The following SLC44A5 variants were observed in gnomAD, a reference collection of about 807,000 sequenced individuals.
SLC44A5 encodes choline transporter-like protein 5.
SLC44A5 carries 57 observed loss-of-function variants against 101.8 expected under a neutral mutation model. The observed-to-expected ratio is 0.56, with a 90% CI of 0.45 to 0.70. The LOEUF (loss-of-function observed/expected upper bound fraction) is 0.70. Among genes scored for constraint, SLC44A5 ranks in the 30% least tolerant of loss-of-function variants. The pLI is 0.00. For synonymous variants in SLC44A5, 281 were observed against 290.9 expected, an observed-to-expected ratio of 0.97 and a Z score of 0.35; for missense variants, 737 against 853.1, an observed-to-expected ratio of 0.86 and a Z score of 1.70.
intron 2 of SLC44A5, among the ~76,000 whole-genome samples, chr1:75,412,075 A>T (rs1009066144): frequency 6.6e-6 from 1 of 152,162 alleles, no homozygotes; most frequent in Admixed American, 6.6e-5. Flanking sequence ...GTAGAATTTG[A>T]TGAGGAAAAA....
chr1:75,499,254 T>C (rs1192502548), intron 2 of SLC44A5, among the ~76,000 whole-genome samples: 1 of 152,214 alleles, frequency 6.6e-6, no homozygotes, highest in Non-Finnish European at 1.5e-5. Flanking sequence ...GGGAGTGGTT[T>C]GGTAGTTTCA....
intron 6 of SLC44A5, 78 bp downstream of exon 6, chr1:75,274,880 G>T (rs922154938): frequency 9.8e-6 from 11 of 1,128,184 alleles, no homozygotes; most frequent in Non-Finnish European, 1.4e-5. Context: ...AAGAAGTCTG[G>T]TAGGATTACT....
intron 1 of SLC44A5, among the ~76,000 whole-genome samples, chr1:75,542,034 A>C (rs1460363693): frequency 6.6e-6 from 1 of 152,148 alleles, no homozygotes; most frequent in Admixed American, 6.5e-5. Flanking sequence ...ATCACTCTAT[A>C]AAAATTTAAG....
intron 3 of SLC44A5, 31 bp from the exon 4 acceptor site, chr1:75,339,661 A>G (rs1247932216): frequency 6.4e-7 from 1 of 1,568,520 alleles, no homozygotes; most frequent in South Asian, 1.2e-5. Context: ...TTTTAAGCAT[A>G]TAAGCCAGCA....
chr1:75,517,598 C>T (rs541715847), intron 2 of SLC44A5, among the ~76,000 whole-genome samples: 4 of 151,890 alleles, frequency 2.6e-5, no homozygotes, highest in South Asian at 2.1e-4. Flanking sequence ...TCTTTGACCC[C>T]GGGGGAGACA....
At chr1:75,653,352 C>T in the SLC44A5 span, among the ~76,000 whole-genome samples, 1 of 152,150 alleles carries the variant, frequency 6.6e-6, no homozygotes, top group African/African-American at 2.4e-5. Flanking sequence ...TATGGTGGCA[C>T]ATGCCTATAA....
intron 14 of SLC44A5, 53 bp from the exon 15 acceptor site, chr1:75,219,945 T>C (rs1647043155): frequency 1.1e-5 from 13 of 1,194,682 alleles, no homozygotes; most frequent in Non-Finnish European, 1.6e-5. Flanking sequence ...AAATAAGCTT[T>C]AGACTGAATT....
intron 2 of SLC44A5, among the ~76,000 whole-genome samples, chr1:75,517,648 T>A (rs2101887363): frequency 6.6e-6 from 1 of 152,134 alleles, no homozygotes; most frequent in African/African-American, 2.4e-5. Context: ...AGGAAGGATT[T>A]CACATAAATA....
chr1:75,552,940 T>C (rs1344115542), intron 1 of SLC44A5, among the ~76,000 whole-genome samples: 3 of 152,022 alleles, frequency 2.0e-5, no homozygotes, highest in Non-Finnish European at 4.4e-5. Context: ...ATGAGGGAGG[T>C]TTTTTTAAAT....
At chr1:75,420,470 G>T (rs1663936004) in intron 2 of SLC44A5, among the ~76,000 whole-genome samples, 1 of 152,112 alleles carries the variant, frequency 6.6e-6, no homozygotes, top group African/African-American at 2.4e-5. Flanking sequence ...CAACTCCACT[G>T]ATAATTAGAT....
At chr1:75,582,341 C>G in intron 1 of SLC44A5, 1 of 1,256,512 alleles carries the variant, frequency 8.0e-7, no homozygotes, top group South Asian at 1.3e-5. Flanking sequence ...GGAAGTTAAG[C>G]CCAAGATCCC....
intron 4 of SLC44A5, among the ~76,000 whole-genome samples, chr1:75,319,186 T>A (rs111903588): frequency 8.4e-4 from 128 of 152,260 alleles, no homozygotes; most frequent in African/African-American, 3.1e-3. Flanking sequence ...TTGCGATACA[T>A]TAATATTTGT....
At chr1:75,239,264 G>C (rs1461040728) in intron 9 of SLC44A5, among the ~76,000 whole-genome samples, 1 of 152,024 alleles carries the variant, frequency 6.6e-6, no homozygotes, top group African/African-American at 2.4e-5. Flanking sequence ...TCTAAGAAAA[G>C]TAAAATCACT....
chr1:75,236,515 T>A (rs1375350544), intron 11 of SLC44A5, among the ~76,000 whole-genome samples: 1 of 152,050 alleles, frequency 6.6e-6, no homozygotes, highest in Non-Finnish European at 1.5e-5. Flanking sequence ...ATAACTACAA[T>A]GACTTCTGGT....
chr1:75,554,061 G>A (rs1672087562), intron 1 of SLC44A5, among the ~76,000 whole-genome samples: 1 of 152,284 alleles, frequency 6.6e-6, no homozygotes, highest in East Asian at 1.9e-4. Flanking sequence ...TGTGTAAGAA[G>A]CATTTGATAA....
intron 2 of SLC44A5, among the ~76,000 whole-genome samples, chr1:75,447,169 A>T (rs1665634577): frequency 6.6e-6 from 1 of 152,170 alleles, no homozygotes; most frequent in African/African-American, 2.4e-5. Flanking sequence ...AGCTGCCCTA[A>T]TATGCTTTCA....
At chr1:75,497,681 C>T (rs962038218) in intron 2 of SLC44A5, among the ~76,000 whole-genome samples, 2 of 151,978 alleles carry the variant, frequency 1.3e-5, no homozygotes, top group African/African-American at 2.4e-5. Context: ...GAGATGGATA[C>T]GTTAATTCTA....
At chr1:75,408,700 G>A (rs1206144665) in intron 2 of SLC44A5, among the ~76,000 whole-genome samples, 2 of 151,498 alleles carry the variant, frequency 1.3e-5, no homozygotes, top group Non-Finnish European at 2.9e-5. Context: ...ACACACTGGG[G>A]CCTGTCGGGG....
chr1:75,641,352 T>A, the SLC44A5 span: 2 of 743,926 alleles, frequency 2.7e-6, no homozygotes, highest in Non-Finnish European at 4.7e-6. Flanking sequence ...CTCTTAACAT[T>A]AGTATCGTCT....
Sources: gnomAD v4.1 joint callset for allele counts (sites outside exome capture counted in the v4.1 genomes callset) on GRCh38, gnomAD v4.1.1 for gene constraint, MANE v1.5 for transcripts, NCBI Gene and HGNC (gene_info 2026-07-23, HGNC 2026-07-21) for gene names.